Variants in KSR2 observed in about 807,000 individuals in gnomAD.
KSR2 encodes kinase suppressor of ras 2.
KSR2 carries 25 observed loss-of-function variants against 107.8 expected under a neutral mutation model. That is an observed-to-expected ratio of 0.23 (90% CI 0.17 to 0.32). The LOEUF (loss-of-function observed/expected upper bound fraction) is 0.32, where lower values mean the gene tolerates loss of function less well. Ranked by LOEUF, KSR2 falls within the 10% of genes least tolerant of loss-of-function variation. The pLI is 1.00. For synonymous variants in KSR2, 480 were observed against 507.0 expected (o/e 0.95, Z 0.71); for missense variants, 887 against 1,268.9 (o/e 0.70, Z 4.57).
chr12:117,529,821 G>A (rs183426140), intron 12 of KSR2, among the ~76,000 whole-genome samples: 7 of 149,484 alleles, frequency 4.7e-5, no homozygotes, highest in African/African-American at 1.7e-4. Flanking sequence ...TAGGCAACAT[G>A]GTGAATCCCT....
intron 3 of KSR2, among the ~76,000 whole-genome samples, chr12:117,792,959 C>T (rs950242489): frequency 6.8e-6 from 1 of 147,094 alleles, no homozygotes; most frequent in African/African-American, 2.5e-5. Flanking sequence ...CACCAACGTG[C>T]ACACACAACA....
intron 1 of KSR2, among the ~76,000 whole-genome samples, chr12:117,919,852 T>C (rs1895288383): frequency 6.6e-6 from 1 of 152,208 alleles, no homozygotes; most frequent in Non-Finnish European, 1.5e-5. Context: ...AATGAACACG[T>C]GGCATGAGAA....
At chr12:117,500,349 GC>G (rs1727452789) in intron 14 of KSR2, among the ~76,000 whole-genome samples, 1 of 152,106 alleles carries the variant, frequency 6.6e-6, no homozygotes, top group South Asian at 2.1e-4. Context: ...GAGCTATGCT[GC>G]CTTCTCAGAA....
intron 5 of KSR2, among the ~76,000 whole-genome samples, chr12:117,655,611 C>T (rs942383866): frequency 5.9e-5 from 9 of 152,308 alleles, no homozygotes; most frequent in African/African-American, 1.4e-4. Context: ...CCTGATCCCA[C>T]GACATTACGT....
intron 1 of KSR2, among the ~76,000 whole-genome samples, chr12:117,860,691 C>A (rs947164293): frequency 5.9e-5 from 9 of 152,124 alleles, no homozygotes; most frequent in Non-Finnish European, 1.0e-4. Flanking sequence ...GCCTTTTGAT[C>A]TCACAATTGC....
At chr12:117,865,331 C>A (rs1252928626) in intron 1 of KSR2, among the ~76,000 whole-genome samples, 2 of 152,192 alleles carry the variant, frequency 1.3e-5, no homozygotes, top group Admixed American at 1.3e-4. Flanking sequence ...TACAAACTTA[C>A]ATCATTGGCA....
At chr12:117,670,850 C>A (rs909044654) in intron 4 of KSR2, among the ~76,000 whole-genome samples, 7 of 152,120 alleles carry the variant, frequency 4.6e-5, no homozygotes, top group Non-Finnish European at 7.3e-5. Context: ...GTGTTTCTAT[C>A]GTTTCTCTTC....
At chr12:117,850,313 T>C (rs767579032) in intron 3 of KSR2, among the ~76,000 whole-genome samples, 10 of 152,126 alleles carry the variant, frequency 6.6e-5, no homozygotes, top group Non-Finnish European at 1.2e-4. Context: ...AAAGGCCTCA[T>C]AGAGAACCAG....
chr12:117,726,890 C>T (rs1887447806), intron 4 of KSR2, among the ~76,000 whole-genome samples: 1 of 152,154 alleles, frequency 6.6e-6, no homozygotes, highest in South Asian at 2.1e-4. Flanking sequence ...TAGATTTACT[C>T]TCAATAACCT....
At chr12:117,938,879 T>A (rs1895922089) in intron 1 of KSR2, among the ~76,000 whole-genome samples, 1 of 152,084 alleles carries the variant, frequency 6.6e-6, no homozygotes, top group Non-Finnish European at 1.5e-5. Context: ...ATCGTGATCA[T>A]CATCAATGGC....
chr12:117,590,668 C>G (rs1038454368), intron 5 of KSR2, among the ~76,000 whole-genome samples: 1 of 152,074 alleles, frequency 6.6e-6, no homozygotes, highest in Admixed American at 6.5e-5. Context: ...CAAACTTGAC[C>G]CTCAGGCCAA....
intron 7 of KSR2, 62 bp downstream of exon 7, chr12:117,579,057 C>T: frequency 8.4e-7 from 1 of 1,185,884 alleles, no homozygotes; most frequent in African/African-American, 1.5e-5. Context: ...TGTTCAGTGC[C>T]CTGCATGGTT....
At chr12:117,608,397 C>T (rs1485103238) in intron 5 of KSR2, among the ~76,000 whole-genome samples, 1 of 152,198 alleles carries the variant, frequency 6.6e-6, no homozygotes, top group Non-Finnish European at 1.5e-5. Flanking sequence ...CACCTCCAGA[C>T]TTTGGGTTAA....
At position 117,855,719 on chromosome 12, in the gene KSR2, T is replaced by C; in HGVS notation, c.322-141A>G. On this transcript the variant is annotated intron_variant, in intron 2 of 19. Coordinates refer to ENST00000339824, the MANE Select transcript of KSR2 (RefSeq NM_173598.6). ...CAGTGGGGTCTCCGAATCTCGGGTT[T>C]GCCACTCATTATCTAGATAACCTCT... 1.9e-5 allele frequency: 15 copies of C among 798,352 alleles called. 1 individual carries two copies. The highest frequency in any genetic ancestry group is 2.9e-4 in the Middle Eastern group (1 of 3,430). The allele number at this position is 798,352 out of a possible 1,614,324, so 49.5% of individuals were successfully genotyped here.
At position 117,968,116 on chromosome 12, in the gene KSR2, G is replaced by A; in HGVS notation, c.140C>T (p.Thr47Ile). The A allele has an allele frequency of 6.2e-7, 1 of 1,607,100 alleles. No homozygotes were observed. The highest frequency in any genetic ancestry group is 2.2e-5 in the East Asian group (1 of 44,546). ...TTCTTTTTGTGTGAGGTCGTTGGAG[G>A]TAGCACATTTGGTCCTAAGCCCTTC... ...NLEGLRTKCA[T>I]SNDLTQKEIR... The change falls in exon 1 of 20, where the codon ACC becomes ATC. Residue 47 changes from threonine (T) to isoleucine (I), a missense_variant. By Grantham distance (89) the Thr-to-Ile change is moderately conservative. Around this residue, in one of 8 missense-constraint regions of KSR2, gnomAD observed 21 missense variants for 57.8 expected, o/e 0.36. Coordinates refer to ENST00000339824, the MANE Select transcript of KSR2 (RefSeq NM_173598.6).
chr12:117,736,276 A>C (rs1396171115), intron 4 of KSR2, among the ~76,000 whole-genome samples: 2 of 152,172 alleles, frequency 1.3e-5, no homozygotes, highest in African/African-American at 4.8e-5. Context: ...CTGTTCAAAA[A>C]TGTAAAGTGA....
chr12:117,762,985 A>T (rs1889099327), intron 3 of KSR2, among the ~76,000 whole-genome samples: 1 of 151,946 alleles, frequency 6.6e-6, no homozygotes, highest in South Asian at 2.1e-4. Flanking sequence ...GGTGTGCTGC[A>T]CTCATTAACT....
intron 14 of KSR2, among the ~76,000 whole-genome samples, chr12:117,505,259 G>A (rs1873608538): frequency 6.6e-6 from 1 of 152,186 alleles, no homozygotes. Flanking sequence ...CAACGTGGAA[G>A]CTATCACATC....
chr12:117,951,974 G>C (rs1828211235), intron 1 of KSR2, among the ~76,000 whole-genome samples: 4 of 152,162 alleles, frequency 2.6e-5, no homozygotes, highest in Admixed American at 2.6e-4. Flanking sequence ...CATAGAAATA[G>C]AGTAGAATGG....
Sources: gnomAD v4.1 joint callset for allele counts (sites outside exome capture counted in the v4.1 genomes callset) on GRCh38, gnomAD v4.1.1 for gene constraint, gnomAD v4.1.1 regional missense constraint, MANE v1.5 for transcripts, NCBI Gene and HGNC (gene_info 2026-07-23, HGNC 2026-07-21) for gene names.